Variants in SGMS1 observed in about 807,000 individuals in gnomAD.
The protein encoded by SGMS1 is phosphatidylcholine:ceramide cholinephosphotransferase 1.
Under a neutral mutation model 46.2 loss-of-function variants are expected in SGMS1, and 13 were observed. That is an observed-to-expected ratio of 0.28 (90% CI 0.18 to 0.45). The LOEUF (loss-of-function observed/expected upper bound fraction) is 0.45. SGMS1 is among the 20% of genes least tolerant of loss of function. SGMS1 has a pLI of 1.00. For missense variants in SGMS1, 324 were observed against 519.9 expected, an observed-to-expected ratio of 0.62 and a Z score of 3.66; for synonymous variants, 203 against 187.8, an observed-to-expected ratio of 1.08 and a Z score of -0.66.
intron 3 of SGMS1, among the ~76,000 whole-genome samples, chr10:50,510,787 C>A (rs1194161875): frequency 6.6e-6 from 1 of 152,202 alleles, no homozygotes; most frequent in East Asian, 1.9e-4. Flanking sequence ...TAATAAACTA[C>A]AGCCCACGTT....
chr10:50,470,228 C>G (rs1837366754), intron 3 of SGMS1, among the ~76,000 whole-genome samples: 4 of 152,120 alleles, frequency 2.6e-5, no homozygotes, highest in Admixed American at 2.6e-4. Context: ...TCCATTAAAA[C>G]TGCATTTTAT....
chr10:50,384,940 A>G (rs1389489480), intron 6 of SGMS1, among the ~76,000 whole-genome samples: 1 of 152,108 alleles, frequency 6.6e-6, no homozygotes, highest in Non-Finnish European at 1.5e-5. Context: ...AATTTCACAA[A>G]TTTCCCCTCT....
chr10:50,586,084 A>G (rs776900745), intron 2 of SGMS1, among the ~76,000 whole-genome samples: 5 of 152,266 alleles, frequency 3.3e-5, no homozygotes, highest in African/African-American at 4.8e-5. Flanking sequence ...ATAGCAAAAT[A>G]TGTAAACAAA....
chr10:50,494,944 G>T (rs1425100742), intron 3 of SGMS1, among the ~76,000 whole-genome samples: 3 of 151,144 alleles, frequency 2.0e-5, no homozygotes, highest in African/African-American at 7.3e-5. Flanking sequence ...GCTGAGGCAG[G>T]AGAATGGCGT....
chr10:50,580,735 T>C (rs1838425516), intron 2 of SGMS1, among the ~76,000 whole-genome samples: 1 of 152,070 alleles, frequency 6.6e-6, no homozygotes, highest in South Asian at 2.1e-4. Flanking sequence ...AAAAGTAGAA[T>C]GGTTCCTACC....
intron 3 of SGMS1, among the ~76,000 whole-genome samples, chr10:50,519,598 T>G (rs537534350): frequency 6.6e-6 from 1 of 152,324 alleles, no homozygotes; most frequent in East Asian, 1.9e-4. Context: ...CCGGCCCAGA[T>G]TGCTTGCCTT....
intron 3 of SGMS1, among the ~76,000 whole-genome samples, chr10:50,481,146 T>C (rs1837472811): frequency 6.6e-6 from 1 of 152,226 alleles, no homozygotes; most frequent in Non-Finnish European, 1.5e-5. Flanking sequence ...ACCAAGGGGA[T>C]TCCTCACAGC....
chr10:50,624,205 G>C, upstream of SGMS1: 1 of 793,618 alleles, frequency 1.3e-6, no homozygotes, highest in African/African-American at 1.9e-5. Context: ...GGCCCACTAA[G>C]TAAGGCCTAG....
At chr10:50,527,077 A>G (rs868258325) in intron 2 of SGMS1, among the ~76,000 whole-genome samples, 3 of 101,932 alleles carry the variant, frequency 2.9e-5, no homozygotes, top group Non-Finnish European at 5.3e-5. Context: ...AAAAAAAAAA[A>G]AAAAAAAAAA....
intron 4 of SGMS1, among the ~76,000 whole-genome samples, chr10:50,463,432 A>C (rs1187275347): frequency 6.6e-6 from 1 of 152,220 alleles, no homozygotes; most frequent in Non-Finnish European, 1.5e-5. Flanking sequence ...AACATCCCTA[A>C]TCATCAGGAA....
chr10:50,403,832 C>T (rs960989519), intron 6 of SGMS1, among the ~76,000 whole-genome samples: 8 of 151,002 alleles, frequency 5.3e-5, no homozygotes, highest in African/African-American at 1.5e-4. Context: ...GTGGGATAAC[C>T]TTTAGCCCCA....
At chr10:50,468,903 G>A (rs1325244590) in intron 3 of SGMS1, among the ~76,000 whole-genome samples, 3 of 152,184 alleles carry the variant, frequency 2.0e-5, no homozygotes, top group Admixed American at 6.5e-5. Flanking sequence ...GTATCTCAGT[G>A]ACAATAAATG....
chr10:50,366,191 T>C (rs1270086458), intron 6 of SGMS1, among the ~76,000 whole-genome samples: 1 of 151,802 alleles, frequency 6.6e-6, no homozygotes, highest in Non-Finnish European at 1.5e-5. Context: ...CTGACAAAGG[T>C]CTAATATCCA....
chr10:50,383,435 T>C (rs535531137), intron 6 of SGMS1, among the ~76,000 whole-genome samples: 1 of 152,288 alleles, frequency 6.6e-6, no homozygotes, highest in South Asian at 2.1e-4. Context: ...ACTATCAATC[T>C]TTTAATAATA....
intron 6 of SGMS1, among the ~76,000 whole-genome samples, chr10:50,431,575 C>T (rs1393828029): frequency 6.6e-6 from 1 of 152,138 alleles, no homozygotes. Flanking sequence ...GATCTGGTTT[C>T]GTTTTTTTCC....
chr10:50,572,929 T>C (rs905840279), intron 2 of SGMS1, among the ~76,000 whole-genome samples: 5 of 152,210 alleles, frequency 3.3e-5, no homozygotes, highest in Non-Finnish European at 7.3e-5. Context: ...TCTGTCCCTA[T>C]TATCACTGTT....
intron 3 of SGMS1, among the ~76,000 whole-genome samples, chr10:50,507,047 A>G (rs1475924860): frequency 6.6e-6 from 1 of 152,186 alleles, no homozygotes; most frequent in Non-Finnish European, 1.5e-5. Flanking sequence ...GCTCTAGTCC[A>G]AACTCCCCCA....
chr10:50,370,907 G>A (rs1476957625), intron 6 of SGMS1, among the ~76,000 whole-genome samples: 7 of 152,040 alleles, frequency 4.6e-5, no homozygotes, highest in Non-Finnish European at 8.8e-5. Flanking sequence ...ATGCCTTCCG[G>A]AATTCCTCCT....
rs558332891 is a variant in SGMS1 at position 50,417,249 on chromosome 10, G to A, written c.-232+16227C>T. The stretch of plus-strand genomic sequence containing the variant: ...TACAACTGCACTAATTTCTTATGTA[G>A]AAAAGCGGGTTTTTTAAGTGGCTCA... On this transcript the variant is annotated intron_variant, in intron 6 of 10. Transcript: ENST00000361781. 3.9e-5 allele frequency among the ~76,000 whole-genome samples: 6 copies of A among 152,208 alleles called. No homozygotes were observed. In the South Asian group the frequency reaches 1.2e-3, roughly 32 times the overall value.
Sources: gnomAD v4.1 joint callset for allele counts (sites outside exome capture counted in the v4.1 genomes callset) on GRCh38, gnomAD v4.1.1 for gene constraint, MANE v1.5 for transcripts, NCBI Gene and HGNC (gene_info 2026-07-23, HGNC 2026-07-21) for gene names.